DOCK1: variants seen among roughly 807,000 people sequenced by gnomAD.
DOCK1 encodes dedicator of cytokinesis 1.
In DOCK1, 138 loss-of-function variants were observed where a neutral mutation model predicts 262.7. The observed-to-expected ratio is 0.53, with a 90% CI of 0.46 to 0.61. The LOEUF (loss-of-function observed/expected upper bound fraction) is 0.61, where lower values mean the gene tolerates loss of function less well. Ranked by LOEUF, DOCK1 falls within the 20% of genes least tolerant of loss-of-function variation. The pLI, the probability that DOCK1 is intolerant of heterozygous loss-of-function variation, is 0.00. For missense variants in DOCK1, 1,908 were observed against 2,370.7 expected (o/e 0.80, Z 4.05); for synonymous variants, 866 against 867.4 (o/e 1.00, Z 0.03).
chr10:127,207,751 G>T (rs1338941814), intron 27 of DOCK1, among the ~76,000 whole-genome samples: 1 of 152,216 alleles, frequency 6.6e-6, no homozygotes, highest in Non-Finnish European at 1.5e-5. Flanking sequence ...TGGTGAAGCA[G>T]GGAAGCAGCT....
intron 37 of DOCK1, among the ~76,000 whole-genome samples, chr10:127,382,375 A>G (rs992047387): frequency 6.6e-6 from 1 of 152,214 alleles, no homozygotes; most frequent in African/African-American, 2.4e-5. Context: ...TTTCTGTGAC[A>G]CAAATATACA....
chr10:127,168,105 G>A (rs2054245197), intron 27 of DOCK1, among the ~76,000 whole-genome samples: 1 of 152,164 alleles, frequency 6.6e-6, no homozygotes, highest in Non-Finnish European at 1.5e-5. Context: ...ATAAGCCTGT[G>A]CACGCAGGTC....
chr10:127,111,761 A>G (rs186513928), intron 25 of DOCK1, among the ~76,000 whole-genome samples: 5 of 152,294 alleles, frequency 3.3e-5, no homozygotes, highest in Admixed American at 2.6e-4. Flanking sequence ...ACAGCGACAT[A>G]CTGCATCACC....
At chr10:127,232,775 A>G (rs1387562371) in intron 27 of DOCK1, among the ~76,000 whole-genome samples, 4 of 152,202 alleles carry the variant, frequency 2.6e-5, no homozygotes, top group South Asian at 2.1e-4. Context: ...GCATTTGACA[A>G]CTTTTAACTG....
chr10:127,036,010 A>AT (rs1283885809), intron 18 of DOCK1, among the ~76,000 whole-genome samples: 6 of 127,506 alleles, frequency 4.7e-5, no homozygotes, highest in East Asian at 2.1e-4. Flanking sequence ...TCAAAAATAA[A>AT]TAAATAAATA....
At chr10:126,914,770 C>T (rs1283591339) in intron 1 of DOCK1, among the ~76,000 whole-genome samples, 1 of 152,144 alleles carries the variant, frequency 6.6e-6, no homozygotes, top group Non-Finnish European at 1.5e-5. Context: ...CAAACAGCCC[C>T]AACATTTTGC....
At chr10:127,003,517 G>A (rs2040756186) in intron 10 of DOCK1, among the ~76,000 whole-genome samples, 1 of 152,176 alleles carries the variant, frequency 6.6e-6, no homozygotes, top group South Asian at 2.1e-4. Flanking sequence ...GCAGTTGCTG[G>A]TTTGCCTGGC....
chr10:127,260,086 G>C (rs1485317219), intron 29 of DOCK1, among the ~76,000 whole-genome samples: 1 of 152,146 alleles, frequency 6.6e-6, no homozygotes, highest in African/African-American at 2.4e-5. Context: ...TCATGAATTT[G>C]CTGCAAACCA....
chr10:127,338,392 A>G (rs1157912944), intron 29 of DOCK1, among the ~76,000 whole-genome samples: 1 of 152,256 alleles, frequency 6.6e-6, no homozygotes, highest in Non-Finnish European at 1.5e-5. Flanking sequence ...TTAAAATTAT[A>G]CTTTATCAAT....
chr10:127,018,518 G>A (rs2042178081), intron 12 of DOCK1, 192 bp from the exon 13 acceptor site: 1 of 742,806 alleles, frequency 1.3e-6, no homozygotes, highest in African/African-American at 1.8e-5. Context: ...TGGCATCCCA[G>A]CTCGTTGGAT....
intron 47 of DOCK1, among the ~76,000 whole-genome samples, chr10:127,429,003 A>ATTGGGGTGCCGTGTTGATTGGGG: frequency 2.8e-5 from 1 of 35,914 alleles, no homozygotes; most frequent in Admixed American, 2.8e-4. Flanking sequence ...GTGGATTGGG[A>ATTGGGGTGCCGTGTTGATTGGGG]TGCCGTGTGG....
intron 16 of DOCK1, 54 bp from the exon 17 acceptor site, chr10:127,031,596 T>C (rs541432339): frequency 2.5e-5 from 35 of 1,388,012 alleles, no homozygotes; most frequent in Middle Eastern, 1.8e-4. Flanking sequence ...TATAATGTTA[T>C]TTTGTCATGA....
chr10:127,047,609 C>G (rs1300551509), intron 21 of DOCK1, among the ~76,000 whole-genome samples: 1 of 145,768 alleles, frequency 6.9e-6, no homozygotes, highest in East Asian at 2.1e-4. Flanking sequence ...GGAACTACTG[C>G]CCAAAACAAG....
intron 5 of DOCK1, among the ~76,000 whole-genome samples, chr10:126,988,843 C>T (rs2039592400): frequency 6.6e-6 from 1 of 152,046 alleles, no homozygotes; most frequent in South Asian, 2.1e-4. Context: ...GAGGCCGAGG[C>T]GGATGGATCA....
chr10:127,051,380 ATAT>A (rs1414987122), intron 21 of DOCK1, among the ~76,000 whole-genome samples: 1 of 152,118 alleles, frequency 6.6e-6, no homozygotes, highest in Non-Finnish European at 1.5e-5. Context: ...GATTTTTACA[ATAT>A]TATTAAAAAT....
intron 10 of DOCK1, 25 bp downstream of exon 10, chr10:127,000,332 TGA>T (rs765898320): frequency 5.6e-6 from 9 of 1,610,396 alleles, no homozygotes; most frequent in Admixed American, 3.4e-5. Flanking sequence ...TGTGTTTCCT[TGA>T]GAGTTTCAGA....
chr10:127,060,203 A>G (rs1362466593), intron 22 of DOCK1, among the ~76,000 whole-genome samples: 3 of 152,120 alleles, frequency 2.0e-5, no homozygotes, highest in African/African-American at 7.2e-5. Flanking sequence ...TATCCCATAC[A>G]GGTCTAGGAA....
chr10:127,086,455 A>C (rs2047206191), intron 23 of DOCK1, among the ~76,000 whole-genome samples: 1 of 152,208 alleles, frequency 6.6e-6, no homozygotes, highest in African/African-American at 2.4e-5. Context: ...AATACAAAAG[A>C]AGCAAAGAAA....
At chr10:127,367,155 T>C (rs11017614) in intron 33 of DOCK1, among the ~76,000 whole-genome samples, 17,430 of 152,236 alleles carry the variant, frequency 0.11, 1,263 homozygotes, top group East Asian at 0.29. Flanking sequence ...TTTAAAAGCA[T>C]GTGTTACAAA....
Sources: allele counts gnomAD v4.1 joint callset (sites outside exome capture counted in the v4.1 genomes callset), GRCh38; gene constraint gnomAD v4.1.1; transcripts MANE v1.5; gene names NCBI Gene and HGNC (gene_info 2026-07-23, HGNC 2026-07-21).